The following OPRK1 variants were observed in gnomAD, a reference collection of about 807,000 sequenced individuals.
The protein encoded by OPRK1 is opioid receptor kappa 1.
Under a neutral mutation model 24.5 loss-of-function variants are expected in OPRK1, and 15 were observed. The ratio of observed to expected loss-of-function variants is 0.61; its 90% confidence interval spans 0.41 to 0.94. The LOEUF (loss-of-function observed/expected upper bound fraction) is 0.94, where lower values mean the gene tolerates loss of function less well. Ranked by LOEUF, OPRK1 falls within the 40% of genes least tolerant of loss-of-function variation. The pLI is 0.00. For missense variants in OPRK1, 479 were observed against 507.3 expected (o/e 0.94, Z 0.54); for synonymous variants, 205 against 198.0 (o/e 1.04, Z -0.30).
chr8:53,238,947 G>T (rs1339627348), intron 2 of OPRK1, among the ~76,000 whole-genome samples: 2 of 152,094 alleles, frequency 1.3e-5, no homozygotes, highest in East Asian at 3.9e-4. Flanking sequence ...GCATTGCCTA[G>T]GTTTGTTTTC....
intron 2 of OPRK1, 108 bp downstream of exon 2, chr8:53,250,671 CAG>C: frequency 8.7e-7 from 1 of 1,155,886 alleles, no homozygotes. Flanking sequence ...CTTCACGGAA[CAG>C]AGTCCCCACC....
At chr8:53,238,680 A>C (rs1268018688) in intron 2 of OPRK1, 1 of 985,386 alleles carries the variant, frequency 1.0e-6, no homozygotes, top group Non-Finnish European at 1.2e-6. Context: ...CAAAATTGGC[A>C]GACACTGGTG....
Position 53,243,616 on chromosome 8 carries a change from C to T in OPRK1, c.257+7165G>A, listed in dbSNP as rs1055567069. Among the ~76,000 whole-genome samples the T allele has an allele frequency of 3.3e-5, 5 of 152,164 alleles. No individual in the cohort carries two copies. The South Asian group carries it at 1.0e-3, about 32-fold the overall frequency. On this transcript the variant is annotated intron_variant, in intron 2 of 3. Transcript: ENST00000265572. ...TGGCCTCCATCTGTGATCACACATC[C>T]CTCAGGGGAGAAAATAATTTGGCTA...
rs199921084 is a variant in OPRK1, at chr8:53,226,700, T to C, written c.*2597A>G. ...GTACACACTTTGACAAAGAAATACA[T>C]TTGTGCAAGTGGTATTTTCCCTGCT... On this transcript the variant is annotated 3_prime_UTR_variant, in exon 4 of 4. Transcript: ENST00000265572. 2 of 107,500 alleles carry C rather than the reference T, an allele frequency of 1.9e-5. No individual in the cohort carries two copies. Among genetic ancestry groups the C allele is most frequent in the Non-Finnish European group, 3.6e-5 (2 of 56,042 alleles). The allele number at this position is 107,500 out of a possible 1,614,324, so 6.7% of individuals were successfully genotyped here.
chr8:53,246,507 AT>A (rs1807232033), intron 2 of OPRK1, among the ~76,000 whole-genome samples: 1 of 152,200 alleles, frequency 6.6e-6, no homozygotes, highest in South Asian at 2.1e-4. Context: ...AAGATGACAG[AT>A]GCTTGGTTAT....
chr8:53,251,270 G>T, intron 1 of OPRK1, 178 bp downstream of exon 1: 1 of 613,076 alleles, frequency 1.6e-6, no homozygotes, highest in Non-Finnish European at 2.6e-6. Flanking sequence ...TGCCAGAGAG[G>T]GGCGAAGAGC....
chr8:53,230,890 T>G (rs948114526), intron 3 of OPRK1, among the ~76,000 whole-genome samples: 1 of 152,202 alleles, frequency 6.6e-6, no homozygotes, highest in Non-Finnish European at 1.5e-5. Flanking sequence ...TGGAAAAATC[T>G]GCTTCAAAAA....
intron 1 of OPRK1, 86 bp from the exon 2 acceptor site, chr8:53,251,171 G>A: frequency 7.3e-7 from 1 of 1,360,852 alleles, no homozygotes. Flanking sequence ...CGGAGCCTGC[G>A]GACTCCCACC....
At chr8:53,246,947 G>A (rs1356127870) in intron 2 of OPRK1, among the ~76,000 whole-genome samples, 1 of 152,200 alleles carries the variant, frequency 6.6e-6, no homozygotes, top group Non-Finnish European at 1.5e-5. Context: ...AACTTCTAGG[G>A]AGAATTAGGG....
At chr8:53,247,033 G>A (rs912463315) in intron 2 of OPRK1, among the ~76,000 whole-genome samples, 22 of 152,178 alleles carry the variant, frequency 1.4e-4, no homozygotes, top group Non-Finnish European at 4.4e-5. Flanking sequence ...AACTAGCTGG[G>A]TATAGGAATA....
intron 3 of OPRK1, among the ~76,000 whole-genome samples, chr8:53,234,109 G>A (rs376135996): frequency 4.0e-5 from 6 of 149,390 alleles, no homozygotes; most frequent in Admixed American, 6.7e-5. Flanking sequence ...GGTTGAACCC[G>A]GGAGGCAGAG....
intron 2 of OPRK1, among the ~76,000 whole-genome samples, chr8:53,250,069 C>A (rs1045391390): frequency 1.6e-4 from 21 of 130,500 alleles, no homozygotes; most frequent in Admixed American, 7.3e-4. Flanking sequence ...GAAGAAATTT[C>A]CACACACACA....
chr8:53,229,896 T>C, intron 3 of OPRK1, 67 bp from the exon 4 acceptor site: 3 of 1,423,736 alleles, frequency 2.1e-6, no homozygotes, highest in Middle Eastern at 1.9e-4. Flanking sequence ...CTGCAAAGTG[T>C]TTTAAATATG....
intron 2 of OPRK1, among the ~76,000 whole-genome samples, chr8:53,240,406 G>A (rs1197371425): frequency 6.6e-6 from 1 of 152,198 alleles, no homozygotes; most frequent in Non-Finnish European, 1.5e-5. Flanking sequence ...GAAAACACAA[G>A]TGTGATCAAA....
At position 53,250,933 on chromosome 8, in the gene OPRK1, C is replaced by A; in HGVS notation, c.105G>T (p.Glu35Asp). The A allele has an allele frequency of 6.2e-7, 1 of 1,611,460 alleles. No homozygotes were observed. The highest frequency in any genetic ancestry group is 8.5e-7 in the Non-Finnish European group (1 of 1,178,916). ...NSSAWFPGWAEPDSNGSAGSE... is the reference protein window; with the variant it reads ...NSSAWFPGWADPDSNGSAGSE... Reference sequence around the variant, plus strand: ...AGCCGGCGCTGCCGTTGCTGTCGGGCTCGGCCCAGCCGGGAAACCAGGCGC... The same window carrying A: ...AGCCGGCGCTGCCGTTGCTGTCGGGATCGGCCCAGCCGGGAAACCAGGCGC... The change falls in exon 2 of 4, where the codon GAG (glutamate) becomes GAT (aspartate). Residue 35 changes from glutamate (E) to aspartate (D), a missense_variant. Coordinates refer to ENST00000265572, the MANE Select transcript of OPRK1 (RefSeq NM_000912.5).
intron 3 of OPRK1, among the ~76,000 whole-genome samples, chr8:53,230,560 A>T (rs1313482276): frequency 1.3e-5 from 2 of 152,222 alleles, no homozygotes; most frequent in African/African-American, 4.8e-5. Context: ...CTCAGATAAA[A>T]CAAATATTTG....
chr8:53,242,046 C>A (rs1057163056), intron 2 of OPRK1, among the ~76,000 whole-genome samples: 4 of 152,240 alleles, frequency 2.6e-5, no homozygotes, highest in African/African-American at 4.8e-5. Flanking sequence ...TGGCACCTCG[C>A]TAATGACTGG....
chr8:53,238,557 G>A, intron 2 of OPRK1: 1 of 886,730 alleles, frequency 1.1e-6, no homozygotes, highest in Non-Finnish European at 1.3e-6. Flanking sequence ...AGGCTATGGT[G>A]GCCAGGCAAC....
intron 2 of OPRK1, among the ~76,000 whole-genome samples, chr8:53,240,076 C>A (rs149490344): frequency 6.6e-6 from 1 of 152,136 alleles, no homozygotes; most frequent in East Asian, 1.9e-4. Context: ...GCATGAGAAA[C>A]AGGGCAAGGT....
Sources: gnomAD v4.1 joint callset for allele counts (sites outside exome capture counted in the v4.1 genomes callset) on GRCh38, gnomAD v4.1.1 for gene constraint, MANE v1.5 for transcripts, NCBI Gene and HGNC (gene_info 2026-07-23, HGNC 2026-07-21) for gene names.